SGCD: variants seen among roughly 807,000 people sequenced by gnomAD.
SGCD encodes the protein sarcoglycan delta.
In SGCD, 18 loss-of-function variants were observed where a neutral mutation model predicts 36.6. The ratio of observed to expected loss-of-function variants is 0.49; its 90% CI spans 0.34 to 0.73. The LOEUF is 0.73. Among genes scored for constraint, SGCD ranks in the 30% least tolerant of loss-of-function variants. SGCD has a pLI of 0.01. For missense variants in SGCD, 387 were observed against 346.7 expected, an observed-to-expected ratio of 1.12 and a Z score of -0.92; for synonymous variants, 133 against 130.6, an observed-to-expected ratio of 1.02 and a Z score of -0.12.
chr5:156,685,844 C>A (rs1350181913), intron 7 of SGCD, among the ~76,000 whole-genome samples: 2 of 152,106 alleles, frequency 1.3e-5, no homozygotes, highest in African/African-American at 4.8e-5. Flanking sequence ...GAATAAAAAA[C>A]ACTTTAGTGG....
At chr5:156,111,925 C>T (rs562925324) in intron 1 of SGCD, among the ~76,000 whole-genome samples, 6 of 152,114 alleles carry the variant, frequency 3.9e-5, no homozygotes, top group East Asian at 3.9e-4. Context: ...ACTACAGGCA[C>T]GTGCTGCCAT....
intron 1 of SGCD, among the ~76,000 whole-genome samples, chr5:156,115,005 G>T (rs2127600691): frequency 6.6e-6 from 1 of 152,040 alleles, no homozygotes; most frequent in East Asian, 1.9e-4. Context: ...TTTTTAAGTT[G>T]AGGAAAATTA....
At chr5:156,521,503 T>C (rs1757403741) in intron 4 of SGCD, among the ~76,000 whole-genome samples, 1 of 152,076 alleles carries the variant, frequency 6.6e-6, no homozygotes, top group South Asian at 2.1e-4. Flanking sequence ...TAAACAAATT[T>C]ACAAGAAATA....
chr5:156,028,740 A>T (rs1364034565), intron 1 of SGCD, among the ~76,000 whole-genome samples: 1 of 152,088 alleles, frequency 6.6e-6, no homozygotes, highest in Non-Finnish European at 1.5e-5. Context: ...CATGGAGAAA[A>T]TTTTTTCTTT....
chr5:155,897,724 G>A (rs937426831), intron 1 of SGCD, among the ~76,000 whole-genome samples: 5 of 151,404 alleles, frequency 3.3e-5, no homozygotes, highest in African/African-American at 9.7e-5. Flanking sequence ...CAACACACAC[G>A]TTAGTATTGG....
At chr5:156,025,574 G>T (rs1039418621) in intron 1 of SGCD, among the ~76,000 whole-genome samples, 5 of 152,086 alleles carry the variant, frequency 3.3e-5, no homozygotes, top group Non-Finnish European at 7.4e-5. Flanking sequence ...TATTCATGGA[G>T]CATCTTAGAG....
chr5:156,458,738 T>C (rs1354335980), intron 3 of SGCD, among the ~76,000 whole-genome samples: 5 of 152,234 alleles, frequency 3.3e-5, no homozygotes, highest in Admixed American at 2.0e-4. Context: ...AACATCACGA[T>C]CATCCACCTG....
At chr5:156,544,415 G>A (rs903965635) in intron 4 of SGCD, among the ~76,000 whole-genome samples, 1 of 152,156 alleles carries the variant, frequency 6.6e-6, no homozygotes, top group African/African-American at 2.4e-5. Flanking sequence ...AATCTGAAAT[G>A]TGTAACTTTG....
intron 1 of SGCD, among the ~76,000 whole-genome samples, chr5:156,073,901 TGAGAGGAGAGAAAA>T (rs1042202733): frequency 3.3e-5 from 5 of 152,096 alleles, no homozygotes; most frequent in African/African-American, 9.7e-5. Flanking sequence ...GTCTGAAACC[TGAGAGGAGAGAAAA>T]GTGGCAAAGC....
At chr5:156,095,125 C>T (rs951251567) in intron 1 of SGCD, among the ~76,000 whole-genome samples, 6 of 152,200 alleles carry the variant, frequency 3.9e-5, no homozygotes, top group African/African-American at 9.6e-5. Context: ...CCACAAGCCA[C>T]CTCCTGATAC....
At chr5:156,166,915 C>G (rs1763228584) in intron 3 of SGCD, among the ~76,000 whole-genome samples, 1 of 152,198 alleles carries the variant, frequency 6.6e-6, no homozygotes, top group African/African-American at 2.4e-5. Flanking sequence ...AGCCACACCC[C>G]ACAGGGATCT....
At chr5:156,603,118 C>T (rs938784407) in intron 6 of SGCD, among the ~76,000 whole-genome samples, 2 of 151,984 alleles carry the variant, frequency 1.3e-5, no homozygotes, top group African/African-American at 4.8e-5. Flanking sequence ...AATTTCTTTG[C>T]TCATTATTGG....
the SGCD span, among the ~76,000 whole-genome samples, chr5:155,745,329 G>A: frequency 6.6e-6 from 1 of 152,126 alleles, no homozygotes; most frequent in Non-Finnish European, 1.5e-5. Context: ...TCTAACTTGT[G>A]TAATATTTTG....
chr5:156,339,524 C>T (rs1292439276), intron 2 of SGCD, among the ~76,000 whole-genome samples: 3 of 152,184 alleles, frequency 2.0e-5, no homozygotes, highest in Non-Finnish European at 1.5e-5. Flanking sequence ...CAAATGTACA[C>T]TCATTCATTC....
intron 1 of SGCD, among the ~76,000 whole-genome samples, chr5:155,922,807 G>T (rs1159028216): frequency 6.6e-6 from 1 of 152,144 alleles, no homozygotes; most frequent in African/African-American, 2.4e-5. Flanking sequence ...AAGAAAAGTT[G>T]TAGAGAAAGA....
intron 3 of SGCD, among the ~76,000 whole-genome samples, chr5:156,234,734 T>G (rs1765112361): frequency 6.6e-6 from 1 of 152,124 alleles, no homozygotes; most frequent in Non-Finnish European, 1.5e-5. Context: ...GAACTTATAA[T>G]TTTCTGCTGG....
chr5:156,486,116 C>G (rs973767635), intron 3 of SGCD, among the ~76,000 whole-genome samples: 2 of 152,062 alleles, frequency 1.3e-5, no homozygotes, highest in Admixed American at 1.3e-4. Flanking sequence ...CAGACTATAT[C>G]CTGCCCTGAG....
intron 3 of SGCD, among the ~76,000 whole-genome samples, chr5:156,445,818 G>A (rs1336329833): frequency 6.6e-6 from 1 of 151,932 alleles, no homozygotes; most frequent in East Asian, 1.9e-4. Flanking sequence ...ACACGCACAT[G>A]CACACACACA....
chr5:156,219,028 G>A (rs1413574622), intron 3 of SGCD, among the ~76,000 whole-genome samples: 1 of 152,262 alleles, frequency 6.6e-6, no homozygotes, highest in South Asian at 2.1e-4. Context: ...CAAAGGAGAA[G>A]AGATGTTCAT....
Sources: gnomAD v4.1 joint callset for allele counts (sites outside exome capture counted in the v4.1 genomes callset) on GRCh38, gnomAD v4.1.1 for gene constraint, MANE v1.5 for transcripts, NCBI Gene and HGNC (gene_info 2026-07-23, HGNC 2026-07-21) for gene names.